MARCHF4: variants seen among roughly 807,000 people sequenced by gnomAD.
MARCHF4 encodes the protein membrane associated ring-CH-type finger 4.
A neutral mutation model predicts 43.9 loss-of-function variants in MARCHF4; 14 were observed. The observed-to-expected ratio is 0.32, with a 90% confidence interval of 0.21 to 0.50. MARCHF4 has a LOEUF of 0.50. Ranked by LOEUF, MARCHF4 falls within the 20% of genes least tolerant of loss-of-function variation. MARCHF4 has a pLI of 0.98. For synonymous variants in MARCHF4, 226 were observed against 213.3 expected (o/e 1.06, Z -0.52); for missense variants, 468 against 536.7 (o/e 0.87, Z 1.27).
intron 1 of MARCHF4, among the ~76,000 whole-genome samples, chr2:216,329,923 C>T (rs11901916): frequency 6.6e-6 from 1 of 151,710 alleles, no homozygotes; most frequent in African/African-American, 2.4e-5. Context: ...CCTGTTTCTA[C>T]AAAAATAAAA....
chr2:216,332,195 A>G (rs1692089732), intron 1 of MARCHF4, among the ~76,000 whole-genome samples: 1 of 152,162 alleles, frequency 6.6e-6, no homozygotes, highest in Non-Finnish European at 1.5e-5. Flanking sequence ...ATTTGAGATC[A>G]GCCTGGGCAA....
intron 1 of MARCHF4, among the ~76,000 whole-genome samples, chr2:216,365,099 C>A (rs535603453): frequency 6.6e-6 from 1 of 152,152 alleles, no homozygotes. Flanking sequence ...AGCACTAAGA[C>A]GAGTAAGTAC....
At chr2:216,293,588 C>A (rs200753598) in intron 1 of MARCHF4, among the ~76,000 whole-genome samples, 48 of 115,890 alleles carry the variant, frequency 4.1e-4, no homozygotes, top group Non-Finnish European at 6.4e-4. Context: ...AAAAAAAAAA[C>A]AATGTAAAAA....
chr2:216,319,621 T>C (rs776236898), intron 1 of MARCHF4, among the ~76,000 whole-genome samples: 2 of 150,762 alleles, frequency 1.3e-5, no homozygotes, highest in African/African-American at 2.5e-5. Context: ...AGAAATACTA[T>C]GATTTTGAGC....
chr2:216,341,135 G>A (rs1692230342), intron 1 of MARCHF4, among the ~76,000 whole-genome samples: 1 of 152,200 alleles, frequency 6.6e-6, no homozygotes, highest in African/African-American at 2.4e-5. Flanking sequence ...AGTGCCAGCA[G>A]AATCATTTCC....
At chr2:216,260,149 C>T (rs1034922779) in intron 3 of MARCHF4, among the ~76,000 whole-genome samples, 1 of 152,240 alleles carries the variant, frequency 6.6e-6, no homozygotes, top group African/African-American at 2.4e-5. Context: ...TACCCCAGTA[C>T]TACTGAGATA....
intron 1 of MARCHF4, among the ~76,000 whole-genome samples, chr2:216,355,794 G>A (rs1244423012): frequency 6.6e-6 from 1 of 152,246 alleles, no homozygotes; most frequent in Admixed American, 6.5e-5. Context: ...GGCTGGAGCA[G>A]CCAAATGGGC....
chr2:216,324,945 G>A (rs1364802566), intron 1 of MARCHF4, among the ~76,000 whole-genome samples: 5 of 150,914 alleles, frequency 3.3e-5, no homozygotes, highest in African/African-American at 1.2e-4. Flanking sequence ...ATTCAACATA[G>A]TGTTGGAAGT....
chr2:216,268,130 C>T (rs748036571), intron 3 of MARCHF4, among the ~76,000 whole-genome samples: 2 of 152,166 alleles, frequency 1.3e-5, no homozygotes, highest in African/African-American at 2.4e-5. Context: ...TGGGGATGCC[C>T]CACGGTCACA....
At chr2:216,286,562 A>G (rs982739526) in intron 1 of MARCHF4, among the ~76,000 whole-genome samples, 2 of 152,072 alleles carry the variant, frequency 1.3e-5, no homozygotes, top group Non-Finnish European at 2.9e-5. Flanking sequence ...AGCAAGGACA[A>G]CAAACTGTTA....
intron 1 of MARCHF4, among the ~76,000 whole-genome samples, chr2:216,354,002 A>C (rs2105980636): frequency 6.6e-6 from 1 of 151,732 alleles, no homozygotes; most frequent in African/African-American, 2.4e-5. Flanking sequence ...CCAGAGAAAA[A>C]CTCCATTCAA....
At chr2:216,337,745 A>G (rs1372707031) in intron 1 of MARCHF4, among the ~76,000 whole-genome samples, 3 of 152,028 alleles carry the variant, frequency 2.0e-5, no homozygotes, top group Non-Finnish European at 4.4e-5. Flanking sequence ...AAATTTGGTT[A>G]GCGACCTACT....
At chr2:216,325,017 G>A (rs1691965849) in intron 1 of MARCHF4, among the ~76,000 whole-genome samples, 1 of 152,034 alleles carries the variant, frequency 6.6e-6, no homozygotes, top group African/African-American at 2.4e-5. Context: ...AGAAGAGGAA[G>A]TCAAATTGTC....
At chr2:216,290,015 A>C (rs1261550118) in intron 1 of MARCHF4, among the ~76,000 whole-genome samples, 1 of 152,170 alleles carries the variant, frequency 6.6e-6, no homozygotes, top group African/African-American at 2.4e-5. Flanking sequence ...TTTATCTACT[A>C]TGTTCCAGGT....
chr2:216,259,856 G>T, intron 3 of MARCHF4, 177 bp from the exon 4 acceptor site: 1 of 631,690 alleles, frequency 1.6e-6, no homozygotes, highest in Non-Finnish European at 2.7e-6. Flanking sequence ...GAAGGTGGAG[G>T]GGCCACCAGA....
intron 1 of MARCHF4, among the ~76,000 whole-genome samples, chr2:216,362,983 C>T (rs1692609836): frequency 6.6e-6 from 1 of 152,070 alleles, no homozygotes. Flanking sequence ...TCGCTCATTC[C>T]CACACTCCTT....
intron 3 of MARCHF4, among the ~76,000 whole-genome samples, chr2:216,263,519 G>A (rs377749323): frequency 0.51 from 72,700 of 143,396 alleles, 22,188 homozygotes; most frequent in Non-Finnish European, 0.69. Context: ...GAGAGAGAGA[G>A]AGAGAGAGAG....
chr2:216,324,000 C>T (rs1189825077), intron 1 of MARCHF4, among the ~76,000 whole-genome samples: 5 of 151,820 alleles, frequency 3.3e-5, no homozygotes, highest in African/African-American at 1.2e-4. Context: ...ACAAAAAAAC[C>T]CTTCAAAAAA....
intron 1 of MARCHF4, among the ~76,000 whole-genome samples, chr2:216,326,461 G>A (rs1362746115): frequency 1.9e-3 from 286 of 150,208 alleles, no homozygotes; most frequent in African/African-American, 6.9e-3. Context: ...CCATTACTGG[G>A]TATATACCCA....
Sources: gnomAD v4.1 joint callset for allele counts (sites outside exome capture counted in the v4.1 genomes callset) on GRCh38, gnomAD v4.1.1 for gene constraint, MANE v1.5 for transcripts, NCBI Gene and HGNC (gene_info 2026-07-23, HGNC 2026-07-21) for gene names.